ATP9B: variants seen among roughly 807,000 people sequenced by gnomAD.
ATP9B encodes ATPase phospholipid transporting 9B.
In ATP9B, 110 loss-of-function variants were observed where a neutral mutation model predicts 146.1. The ratio of observed to expected loss-of-function variants is 0.75; its 90% CI spans 0.65 to 0.88. The LOEUF (loss-of-function observed/expected upper bound fraction) is 0.88, where lower values mean the gene tolerates loss of function less well. ATP9B is among the 40% of genes least tolerant of loss of function. ATP9B has a pLI of 0.00. For missense variants in ATP9B, 1,499 were observed against 1,496.4 expected (o/e 1.00, Z -0.03); for synonymous variants, 604 against 569.7 (o/e 1.06, Z -0.86).
chr18:79,240,361 A>T (rs924692747), intron 11 of ATP9B, among the ~76,000 whole-genome samples: 2 of 152,288 alleles, frequency 1.3e-5, no homozygotes, highest in African/African-American at 4.8e-5. Context: ...GAGCTTTACC[A>T]CATCCAAATA....
Position 79,243,678 on chromosome 18 carries a change from T to A in ATP9B, c.1108-9703T>A, listed in dbSNP as rs1313598822. Among the ~76,000 whole-genome samples, 3 of 152,248 alleles carry A rather than the reference T, an allele frequency of 2.0e-5. 1 individual carries two copies. In the South Asian group the frequency reaches 6.2e-4, roughly 31 times the overall value. ...ATGCTGAAGTCAGCTGGACCACAGT[T>A]GAGCACTTAAGCATTAAGGAATTTT... On this transcript the variant is annotated intron_variant, in intron 11 of 29. Transcript: ENST00000426216.
chr18:79,081,084 T>G (rs1340036565), intron 1 of ATP9B, among the ~76,000 whole-genome samples: 1 of 152,184 alleles, frequency 6.6e-6, no homozygotes, highest in Admixed American at 6.5e-5. Context: ...AATTTTCTTT[T>G]TTTGTTGTGT....
In ATP9B at chr18:79,253,498, CTT is replaced by C; in HGVS notation, c.1229_1230del (p.Phe410SerfsTer33). 1 of 1,608,186 alleles carries C rather than the reference CTT, an allele frequency of 6.2e-7. No individual in the cohort carries two copies. Among genetic ancestry groups the C allele is most frequent in the Non-Finnish European group, 8.5e-7 (1 of 1,178,286 alleles). On this transcript the variant is annotated frameshift_variant, in exon 12 of 30. Coordinates refer to ENST00000426216, the MANE Select transcript of ATP9B (RefSeq NM_198531.5). LOFTEE classifies it high-confidence loss of function. ...ATTTGTGGGTCCATGGTACCGCAATCTTTTTCGGTTCCTTCTCCTCTTTTCTT... is the reference window on the plus strand; with the variant it reads ...ATTTGTGGGTCCATGGTACCGCAATCTTTCGGTTCCTTCTCCTCTTTTCTT... ...QGFVGPWYRN[L>X]FRFLLLFSYI... is the part of the protein sequence containing the mutation.
rs539878691 is a variant in ATP9B, at chr18:79,131,441, T to C, written c.667+5066T>C. On this transcript the variant is annotated intron_variant, in intron 5 of 29. Coordinates refer to ENST00000426216, the MANE Select transcript of ATP9B (RefSeq NM_198531.5). ...GTGAAACGACAGTCAGTCAACAGCC[T>C]TAGACCAGAGGGAAGTGCAAATCTC... Among the ~76,000 whole-genome samples, 7 of 152,270 alleles carry C rather than the reference T, an allele frequency of 4.6e-5. No homozygotes were observed. In the South Asian group the frequency reaches 1.5e-3, roughly 32 times the overall value.
intron 17 of ATP9B, among the ~76,000 whole-genome samples, chr18:79,335,904 C>T (rs937039859): frequency 6.6e-6 from 1 of 152,194 alleles, no homozygotes; most frequent in Non-Finnish European, 1.5e-5. Flanking sequence ...AACAGGTTTC[C>T]GGCCCAGCCA....
chr18:79,130,168 T>C (rs1185240099), intron 5 of ATP9B, among the ~76,000 whole-genome samples: 13 of 152,272 alleles, frequency 8.5e-5, no homozygotes, highest in Admixed American at 7.8e-4. Flanking sequence ...AGACAAAAAG[T>C]TTAAATCAGC....
intron 6 of ATP9B, among the ~76,000 whole-genome samples, chr18:79,150,774 A>G (rs1253206058): frequency 1.3e-5 from 2 of 152,158 alleles, no homozygotes; most frequent in African/African-American, 4.8e-5. Context: ...AGGATCACAT[A>G]AAACTAGGAA....
At chr18:79,272,591 T>G (rs1249772829) in intron 12 of ATP9B, among the ~76,000 whole-genome samples, 1 of 152,190 alleles carries the variant, frequency 6.6e-6, no homozygotes, top group Non-Finnish European at 1.5e-5. Context: ...CTCTCTCCAC[T>G]GAATCCTGCA....
At chr18:79,343,138 G>A (rs1014853399) in intron 20 of ATP9B, among the ~76,000 whole-genome samples, 4 of 152,216 alleles carry the variant, frequency 2.6e-5, no homozygotes, top group Non-Finnish European at 5.9e-5. Context: ...ATATGTAAAT[G>A]TAGTTTGTTT....
intron 5 of ATP9B, 86 bp downstream of exon 5, chr18:79,126,461 T>G: frequency 1.1e-6 from 1 of 902,002 alleles, no homozygotes; most frequent in Non-Finnish European, 1.7e-6. Context: ...TGAAAACATT[T>G]TAATTCTATT....
At chr18:79,350,435 A>G (rs2096916478) in intron 25 of ATP9B, among the ~76,000 whole-genome samples, 1 of 152,232 alleles carries the variant, frequency 6.6e-6, no homozygotes. Context: ...AAGCGCCGTC[A>G]TCGGCCCTGG....
chr18:79,308,420 A>G (rs1487056869), intron 15 of ATP9B, among the ~76,000 whole-genome samples: 1 of 152,236 alleles, frequency 6.6e-6, no homozygotes, highest in Non-Finnish European at 1.5e-5. Flanking sequence ...AACAAGAAAT[A>G]AAATGTAGTC....
intron 12 of ATP9B, among the ~76,000 whole-genome samples, chr18:79,262,906 T>C (rs972835737): frequency 2.6e-5 from 4 of 152,244 alleles, no homozygotes; most frequent in Admixed American, 6.5e-5. Context: ...TTAGAAAATA[T>C]ATTTTTGCAC....
At chr18:79,072,545 A>G (rs1568355792) in intron 1 of ATP9B, among the ~76,000 whole-genome samples, 1 of 151,014 alleles carries the variant, frequency 6.6e-6, no homozygotes, top group Non-Finnish European at 1.5e-5. Context: ...TCCTATGTCT[A>G]CTTCTTTCTA....
intron 7 of ATP9B, 117 bp downstream of exon 7, chr18:79,154,672 G>A: frequency 5.1e-6 from 3 of 585,298 alleles, no homozygotes; most frequent in East Asian, 3.1e-5. Context: ...GCAGCAATGA[G>A]GAATATTCTG....
At chr18:79,287,247 T>A (rs1296609218) in intron 13 of ATP9B, among the ~76,000 whole-genome samples, 1 of 152,284 alleles carries the variant, frequency 6.6e-6, no homozygotes, top group East Asian at 1.9e-4. Context: ...CCATCTGGTC[T>A]TGGACTCTTT....
intron 2 of ATP9B, 139 bp from the exon 3 acceptor site, chr18:79,110,216 C>A: frequency 1.3e-6 from 1 of 766,994 alleles, no homozygotes; most frequent in Non-Finnish European, 1.8e-6. Flanking sequence ...AGAAAAACCC[C>A]ACAAATTAGC....
At chr18:79,330,676 G>A (rs2096785681) in intron 17 of ATP9B, among the ~76,000 whole-genome samples, 1 of 152,122 alleles carries the variant, frequency 6.6e-6, no homozygotes, top group South Asian at 2.1e-4. Context: ...GCCTCCCAAA[G>A]TGCTGGCATT....
intron 1 of ATP9B, among the ~76,000 whole-genome samples, chr18:79,072,503 G>T (rs1182711701): frequency 6.6e-6 from 1 of 152,200 alleles, no homozygotes; most frequent in African/African-American, 2.4e-5. Context: ...CAAGGCAGAA[G>T]AATTTTTCTT....
Sources: allele counts gnomAD v4.1 joint callset (sites outside exome capture counted in the v4.1 genomes callset), GRCh38; gene constraint gnomAD v4.1.1; transcripts MANE v1.5; gene names NCBI Gene and HGNC (gene_info 2026-07-23, HGNC 2026-07-21).